Variants in GRAMD2B observed in about 807,000 individuals in gnomAD.
GRAMD2B encodes the protein GRAM domain containing 2B, also known as GRAM domain-containing protein 2B.
Under a neutral mutation model 59.2 loss-of-function variants are expected in GRAMD2B, and 41 were observed. The observed-to-expected ratio is 0.69, with a 90% CI of 0.54 to 0.90. The LOEUF is 0.90. GRAMD2B is among the 40% of genes least tolerant of loss of function. The pLI is 0.00. For synonymous variants in GRAMD2B, 161 were observed against 182.7 expected, an observed-to-expected ratio of 0.88 and a Z score of 0.96; for missense variants, 424 against 500.5, an observed-to-expected ratio of 0.85 and a Z score of 1.46.
At chr5:126,467,160 A>C (rs746959833) in intron 2 of GRAMD2B, among the ~76,000 whole-genome samples, 56 of 152,108 alleles carry the variant, frequency 3.7e-4, no homozygotes, top group Non-Finnish European at 5.9e-4. Context: ...GTGGTAGTGC[A>C]TGCACTCAGG....
At chr5:126,442,243 G>A (rs944683694) in intron 1 of GRAMD2B, among the ~76,000 whole-genome samples, 1 of 151,214 alleles carries the variant, frequency 6.6e-6, no homozygotes, top group Non-Finnish European at 1.5e-5. Flanking sequence ...TAATTTTGAA[G>A]CAAACTCATT....
intron 1 of GRAMD2B, among the ~76,000 whole-genome samples, chr5:126,427,614 A>G (rs913807978): frequency 6.6e-6 from 1 of 152,218 alleles, no homozygotes; most frequent in African/African-American, 2.4e-5. Context: ...GGTATTATCA[A>G]TAAAGGTTGG....
At chr5:126,422,979 C>G (rs777389013), upstream of GRAMD2B, among the ~76,000 whole-genome samples, 1 of 151,206 alleles carries the variant, frequency 6.6e-6, no homozygotes, top group Non-Finnish European at 1.5e-5. Context: ...TACTTATTAC[C>G]TTTGTTATTC....
At chr5:126,404,259 C>CA (rs1229924064) in intron 1 of GRAMD2B, among the ~76,000 whole-genome samples, 1 of 151,704 alleles carries the variant, frequency 6.6e-6, no homozygotes, top group Non-Finnish European at 1.5e-5. Context: ...TCAAGGAAAG[C>CA]AAAAAAAGTT....
At chr5:126,383,603 T>G (rs1028444291) in intron 1 of GRAMD2B, among the ~76,000 whole-genome samples, 1 of 151,888 alleles carries the variant, frequency 6.6e-6, no homozygotes, top group African/African-American at 2.4e-5. Flanking sequence ...AGTAAGCAGG[T>G]AACAGGAAAA....
chr5:126,417,089 C>G (rs1759324955), intron 1 of GRAMD2B, among the ~76,000 whole-genome samples: 1 of 152,230 alleles, frequency 6.6e-6, no homozygotes, highest in African/African-American at 2.4e-5. Flanking sequence ...TATCTATAGT[C>G]AGAGGGCCTA....
intron 1 of GRAMD2B, among the ~76,000 whole-genome samples, chr5:126,372,412 T>C (rs1754843789): frequency 6.6e-6 from 1 of 152,190 alleles, no homozygotes; most frequent in Admixed American, 6.5e-5. Flanking sequence ...ATGATCGTTG[T>C]TTTCTTTTTT....
chr5:126,409,709 A>C (rs1758598366), intron 1 of GRAMD2B, among the ~76,000 whole-genome samples: 1 of 152,018 alleles, frequency 6.6e-6, no homozygotes, highest in East Asian at 1.9e-4. Context: ...CCCATTTGTC[A>C]ATTTTGGCTT....
intron 1 of GRAMD2B, chr5:126,360,488 A>T (rs777164918): frequency 6.5e-7 from 1 of 1,545,120 alleles, no homozygotes; most frequent in African/African-American, 1.4e-5. Context: ...ACCTGGAAAA[A>T]CCATTTGGGA....
chr5:126,462,411 A>G, intron 1 of GRAMD2B: 1 of 985,140 alleles, frequency 1.0e-6, no homozygotes, highest in Non-Finnish European at 1.2e-6. Context: ...AATTCTACAT[A>G]GTTTCAGTCT....
intron 13 of GRAMD2B, among the ~76,000 whole-genome samples, chr5:126,491,513 C>G (rs1773928014): frequency 6.6e-6 from 1 of 152,160 alleles, no homozygotes; most frequent in African/African-American, 2.4e-5. Context: ...ATGTGTAAAG[C>G]CTGTCTTTGT....
intron 13 of GRAMD2B, among the ~76,000 whole-genome samples, chr5:126,489,186 G>A (rs77976901): frequency 0.019 from 2,950 of 152,258 alleles, 38 homozygotes; most frequent in Middle Eastern, 0.065. Context: ...AGTGACTACT[G>A]ACATCGGAGC....
At position 126,457,836 on chromosome 5, in the gene GRAMD2B, T is replaced by C. The variant is rs145258658; in HGVS notation, c.84-7590T>C. Among the ~76,000 whole-genome samples, 418 of 152,022 alleles carry C rather than the reference T, an allele frequency of 2.7e-3. 2 individuals carry two copies. Among genetic ancestry groups the C allele is most frequent in the African/African-American group, 9.1e-3 (378 of 41,462 alleles). ...TCGGGGAGGTGTGTGGGTCAGGTCC[T>C]GAAGTGCCTGATAGGCTATTGCAAG... On this transcript the variant is annotated intron_variant, in intron 1 of 13. Coordinates refer to ENST00000285689, the MANE Select transcript of GRAMD2B (RefSeq NM_023927.4).
intron 1 of GRAMD2B, among the ~76,000 whole-genome samples, chr5:126,450,588 T>C (rs4836260): frequency 0.99 from 147,826 of 149,696 alleles, 73,019 homozygotes; most frequent in East Asian, 1. Flanking sequence ...TCACCTGGCC[T>C]TCATTCATTC....
At chr5:126,463,968 C>T (rs988858388) in intron 1 of GRAMD2B, among the ~76,000 whole-genome samples, 3 of 151,512 alleles carry the variant, frequency 2.0e-5, no homozygotes, top group African/African-American at 7.3e-5. Context: ...GCAGTGGTTG[C>T]AGTGAGCCGA....
At chr5:126,381,247 A>G (rs1332289231) in intron 1 of GRAMD2B, among the ~76,000 whole-genome samples, 1 of 152,148 alleles carries the variant, frequency 6.6e-6, no homozygotes, top group Non-Finnish European at 1.5e-5. Context: ...CCTGGTATAA[A>G]ACCCACTTGA....
At chr5:126,410,188 A>G (rs1758655905) in intron 1 of GRAMD2B, among the ~76,000 whole-genome samples, 1 of 152,060 alleles carries the variant, frequency 6.6e-6, no homozygotes, top group African/African-American at 2.4e-5. Context: ...TTTTGGTTCC[A>G]TATGAACTTT....
intron 1 of GRAMD2B, among the ~76,000 whole-genome samples, chr5:126,424,204 T>A (rs1760185859): frequency 6.6e-6 from 1 of 152,226 alleles, no homozygotes; most frequent in South Asian, 2.1e-4. Flanking sequence ...ATTGCCACAT[T>A]AAACACACAG....
intron 5 of GRAMD2B, among the ~76,000 whole-genome samples, chr5:126,475,758 C>A (rs7707291): frequency 0.61 from 91,894 of 151,854 alleles, 28,634 homozygotes; most frequent in African/African-American, 0.71. Context: ...TGAGGTCGGG[C>A]GTTCAAGACC....
Sources: allele counts gnomAD v4.1 joint callset (sites outside exome capture counted in the v4.1 genomes callset), GRCh38; gene constraint gnomAD v4.1.1; transcripts MANE v1.5; gene names NCBI Gene and HGNC (gene_info 2026-07-23, HGNC 2026-07-21).